THPO: variants seen among roughly 807,000 people sequenced by gnomAD.
The protein encoded by THPO is MPL ligand.
In THPO, 12 loss-of-function variants were observed where a neutral mutation model predicts 17.0. The observed-to-expected ratio is 0.71, with a 90% confidence interval of 0.45 to 1.14. The LOEUF is 1.14. Ranked by LOEUF, THPO falls within the 50% of genes most tolerant of loss-of-function variation. The pLI is 0.00. For missense variants in THPO, 365 were observed against 427.5 expected, an observed-to-expected ratio of 0.85 and a Z score of 1.29; for synonymous variants, 188 against 183.0, an observed-to-expected ratio of 1.03 and a Z score of -0.22.
At position 184,378,086 on chromosome 3, in the gene THPO, G is replaced by A; in HGVS notation, c.-157C>T. The stretch of plus-strand genomic sequence containing the variant: ...TGCTGGCCACTCACCGGGTGGAGAA[G>A]GGCTCCAGGACCCAAGTGCACAGCA... On this transcript the variant is annotated 5_prime_UTR_variant, in exon 1 of 6. Coordinates refer to ENST00000647395, the MANE Select transcript of THPO (RefSeq NM_000460.4). The A allele has an allele frequency of 2.0e-6, 2 of 985,610 alleles. No individual in the cohort carries two copies. Among genetic ancestry groups the A allele is most frequent in the African/African-American group, 1.7e-5 (1 of 57,368 alleles). The allele number at this position is 985,610 out of a possible 1,614,324, so 61.1% of individuals were successfully genotyped here. A position where few individuals can be genotyped will look rare whatever the true frequency, so the allele number is the denominator to read the frequency against.
At chr3:184,378,643 G>C (rs1435383970), upstream of THPO, among the ~76,000 whole-genome samples, 1 of 152,220 alleles carries the variant, frequency 6.6e-6, no homozygotes, top group Non-Finnish European at 1.5e-5. Context: ...GCCCACATGA[G>C]AGAAATCTCC....
chr3:184,373,299 G>A, intron 5 of THPO, 116 bp downstream of exon 5: 2 of 1,552,468 alleles, frequency 1.3e-6, no homozygotes, highest in Non-Finnish European at 1.8e-6. Context: ...AGCACTCTTA[G>A]TAGATCAGCT....
chr3:184,374,756 A>C (rs966280718), intron 4 of THPO, among the ~76,000 whole-genome samples: 3 of 152,194 alleles, frequency 2.0e-5, no homozygotes, highest in African/African-American at 7.2e-5. Flanking sequence ...TGAAAGCTGG[A>C]ATAGGACTTT....
chr3:184,378,735 C>A (rs189348581), upstream of THPO: 2 of 915,514 alleles, frequency 2.2e-6, no homozygotes, highest in African/African-American at 1.8e-5. Flanking sequence ...TGTGCGCACA[C>A]GTGCACTGGG....
chr3:184,378,030 G>C (rs760013130), intron 1 of THPO, 45 bp downstream of exon 1: 13 of 984,852 alleles, frequency 1.3e-5, no homozygotes, highest in Non-Finnish European at 1.6e-5. Context: ...TCTCTTTGCT[G>C]TCCTTTCTAC....
In THPO at chr3:184,376,026, G is replaced by T. The variant is rs745850672; in HGVS notation, c.14-11C>A. On this transcript the variant is annotated splice_polypyrimidine_tract_variant and intron_variant, in intron 2 of 5. Coordinates refer to ENST00000647395, the MANE Select transcript of THPO (RefSeq NM_000460.4). ...CCACGAGGAGCAATTCTTAGATGAG[G>T]AGAGGTGAGGTTGAAAGATGAGGAG... is the stretch of plus-strand genomic sequence containing the variant. 1 of 1,614,016 alleles carries T rather than the reference G, an allele frequency of 6.2e-7. No individual in the cohort carries two copies. The highest frequency in any genetic ancestry group is 1.1e-5 in the South Asian group (1 of 91,018).
At chr3:184,373,374 GA>G (rs761500048) in intron 5 of THPO, 40 bp downstream of exon 5, 12 of 1,612,500 alleles carry the variant, frequency 7.4e-6, no homozygotes, top group Non-Finnish European at 1.0e-5. Context: ...GACTGAGTCA[GA>G]AAAGAACAGT....
At chr3:184,373,286 G>A in intron 5 of THPO, 108 bp from the exon 6 acceptor site, 1 of 1,560,514 alleles carries the variant, frequency 6.4e-7, no homozygotes, top group Non-Finnish European at 8.8e-7. Flanking sequence ...GTGGCTGGCA[G>A]GGAGCACTCT....
Position 184,378,186 on chromosome 3 carries a change from T to C in THPO, c.-257A>G. On this transcript the variant is annotated 5_prime_UTR_variant, in exon 1 of 6. An upstream start codon of the reference 5' UTR is lost. Coordinates refer to ENST00000647395, the MANE Select transcript of THPO (RefSeq NM_000460.4). The stretch of plus-strand genomic sequence containing the variant: ...ACAGCCCCTCCACAGCAGCAGGTCA[T>C]ACGCCTGCCTGGGCCACTTCTGCCC... The C allele has an allele frequency of 1.0e-6, 1 of 985,454 alleles. No individual in the cohort carries two copies. The highest frequency in any genetic ancestry group is 1.2e-6 in the Non-Finnish European group (1 of 829,962). 61.0% of individuals were successfully genotyped at this position (985,454 alleles called of 1,614,324 possible).
chr3:184,372,489 T>G lies in THPO; in HGVS notation c.*24A>C. The G allele has an allele frequency of 3.7e-6, 6 of 1,613,736 alleles. No individual in the cohort carries two copies. The highest frequency in any genetic ancestry group is 5.1e-6 in the Non-Finnish European group (6 of 1,179,690). On this transcript the variant is annotated 3_prime_UTR_variant, in exon 6 of 6. Transcript: ENST00000647395. ...AAGGGAGCTGTACACGAGACAATGC[T>G]GATGTCGGCAGTGTCTGAGAACCTT... is the stretch of plus-strand genomic sequence containing the variant.
intron 3 of THPO, 22 bp from the exon 4 acceptor site, chr3:184,375,623 GGGA>G: frequency 6.2e-7 from 1 of 1,612,040 alleles, no homozygotes; most frequent in East Asian, 2.2e-5. Flanking sequence ...GATTGGTGGG[GGGA>G]GAAGGGAGCT....
At chr3:184,375,743 G>A in intron 3 of THPO, 142 bp from the exon 4 acceptor site, 1 of 1,477,832 alleles carries the variant, frequency 6.8e-7, no homozygotes, top group Non-Finnish European at 9.4e-7. Context: ...AATAATCCTT[G>A]TCAGAGAGTG....
rs1462332651 is a variant in THPO, at chr3:184,378,079, T to G, written c.-150A>C. Reference sequence around the variant, plus strand: ...CACACCCTGCTGGCCACTCACCGGGTGGAGAAGGGCTCCAGGACCCAAGTG... The same window carrying G: ...CACACCCTGCTGGCCACTCACCGGGGGGAGAAGGGCTCCAGGACCCAAGTG... On this transcript the variant is annotated 5_prime_UTR_variant, in exon 1 of 6. Transcript: ENST00000647395. 1.9e-5 allele frequency: 19 copies of G among 985,400 alleles called. No individual in the cohort carries two copies. The highest frequency in any genetic ancestry group is 1.9e-5 in the Non-Finnish European group (16 of 830,060). 61.0% of individuals were successfully genotyped at this position (985,400 alleles called of 1,614,324 possible).
At chr3:184,375,406 G>T in intron 4 of THPO, 109 bp downstream of exon 4, 1 of 1,183,380 alleles carries the variant, frequency 8.5e-7, no homozygotes, top group Non-Finnish European at 1.3e-6. Flanking sequence ...TGGCCAAGCT[G>T]AAGGTGAGAT....
Position 184,372,384 on chromosome 3 carries a change from T to C in THPO, c.*129A>G, listed in dbSNP as rs56305905. ...AAATGATTCCCTTTTCAGTCCTGTG[T>C]ATCCCTTTTACCAGGGCTTTGGGTT... On this transcript the variant is annotated 3_prime_UTR_variant, in exon 6 of 6. Coordinates refer to ENST00000647395, the MANE Select transcript of THPO (RefSeq NM_000460.4). The C allele has an allele frequency of 1.5e-5, 17 of 1,114,628 alleles. No homozygotes were observed. Among genetic ancestry groups the C allele is most frequent in the Non-Finnish European group, 2.3e-5 (17 of 733,028 alleles). 69.0% of individuals were successfully genotyped at this position (1,114,628 alleles called of 1,614,324 possible). A position where few individuals can be genotyped will look rare whatever the true frequency, so the allele number is the denominator to read the frequency against.
rs1315501638 is a variant in THPO at position 184,375,511 on chromosome 3, T to G, written c.228+4A>C. ...GAAGCCAAGGTTAGGGATGGCTTTC[T>G]TACCATCTGGGTTTTCCATTCTCCC... is the stretch of plus-strand genomic sequence containing the variant. On this transcript the variant is annotated splice_donor_region_variant and intron_variant, in intron 4 of 5. Transcript: ENST00000647395. 1 of 1,614,106 alleles carries G rather than the reference T, an allele frequency of 6.2e-7. No individual in the cohort carries two copies. Among genetic ancestry groups the G allele is most frequent in the East Asian group, 2.2e-5 (1 of 44,882 alleles).
chr3:184,374,093 T>C (rs56174170), intron 4 of THPO, among the ~76,000 whole-genome samples: 20,643 of 152,056 alleles, frequency 0.14, 1,661 homozygotes, highest in Admixed American at 0.24. Flanking sequence ...CTGGGCATGG[T>C]GGTGGGCACC....
chr3:184,375,382 A>C, intron 4 of THPO, 133 bp downstream of exon 4: 1 of 837,022 alleles, frequency 1.2e-6, no homozygotes. Context: ...AGGTGAATGT[A>C]GATTGGGTTA....
chr3:184,374,339 C>G (rs1714208716), intron 4 of THPO, among the ~76,000 whole-genome samples: 1 of 152,200 alleles, frequency 6.6e-6, no homozygotes, highest in South Asian at 2.1e-4. Flanking sequence ...TCTTCCCTGA[C>G]TCAGTCCTGA....
Sources: gnomAD v4.1 joint callset for allele counts (sites outside exome capture counted in the v4.1 genomes callset) on GRCh38, gnomAD v4.1.1 for gene constraint, MANE v1.5 for transcripts, NCBI Gene and HGNC (gene_info 2026-07-23, HGNC 2026-07-21) for gene names.